The following CSMD1 variants were observed in gnomAD, a reference collection of about 807,000 sequenced individuals.
The protein encoded by CSMD1 is CUB and Sushi multiple domains 1, also known as CUB and sushi domain-containing protein 1.
CSMD1 carries 213 observed loss-of-function variants against 417.5 expected under a neutral mutation model. That is an observed-to-expected ratio of 0.51 (90% CI 0.46 to 0.57). The LOEUF is 0.57. CSMD1 is among the 20% of genes least tolerant of loss of function. The pLI, the probability that CSMD1 is intolerant of heterozygous loss-of-function variation, is 0.00. For synonymous variants in CSMD1, 2,862 were observed against 1,736.8 expected (o/e 1.65, Z -16.11); for missense variants, 6,923 against 4,529.7 (o/e 1.53, Z -15.17).
intron 3 of CSMD1, among the ~76,000 whole-genome samples, chr8:4,412,079 C>G (rs930885689): frequency 1.3e-5 from 2 of 151,690 alleles, no homozygotes; most frequent in Non-Finnish European, 2.9e-5. Context: ...AGATATTTCT[C>G]AACGTGCAAG....
intron 5 of CSMD1, among the ~76,000 whole-genome samples, chr8:3,896,617 T>C (rs1807384972): frequency 6.6e-6 from 1 of 152,040 alleles, no homozygotes; most frequent in Non-Finnish European, 1.5e-5. Flanking sequence ...GTTCACGCCA[T>C]TCTCCTGCCT....
chr8:2,959,581 C>A (rs183508149), intron 62 of CSMD1, among the ~76,000 whole-genome samples: 1 of 151,914 alleles, frequency 6.6e-6, no homozygotes, highest in Non-Finnish European at 1.5e-5. Context: ...CAGAATATAC[C>A]GAGCCACTGC....
intron 3 of CSMD1, among the ~76,000 whole-genome samples, chr8:4,093,094 A>T (rs1007900474): frequency 4.6e-5 from 7 of 152,192 alleles, no homozygotes; most frequent in African/African-American, 1.7e-4. Context: ...CCACATAATT[A>T]ACTCAAAGGC....
rs182210962 is a variant in CSMD1, at chr8:4,479,864, G to A, written c.303-59799C>T. On this transcript the variant is annotated intron_variant, in intron 2 of 69. Transcript: ENST00000635120. ...TCCTTTAGTTCCAGCTACTCGGGAGGCTGAGGCAGGAGAATTGCTTGAACC... is the reference window on the plus strand; with the variant it reads ...TCCTTTAGTTCCAGCTACTCGGGAGACTGAGGCAGGAGAATTGCTTGAACC... Among the ~76,000 whole-genome samples, 267 of 151,936 alleles carry A rather than the reference G, an allele frequency of 1.8e-3. 1 individual carries two copies. Among genetic ancestry groups the A allele is most frequent in the African/African-American group, 6.3e-3 (260 of 41,452 alleles).
chr8:3,673,901 T>G (rs1208003129), intron 7 of CSMD1, among the ~76,000 whole-genome samples: 3 of 152,046 alleles, frequency 2.0e-5, no homozygotes, highest in African/African-American at 7.2e-5. Context: ...GCAGAATGCT[T>G]GAGCTCAGCA....
chr8:3,444,841 C>T (rs1045575131), intron 12 of CSMD1, among the ~76,000 whole-genome samples: 1 of 152,258 alleles, frequency 6.6e-6, no homozygotes, highest in African/African-American at 2.4e-5. Flanking sequence ...CAAGTAAATA[C>T]AAAAAGAAGC....
intron 41 of CSMD1, chr8:3,129,021 A>C (rs182572302): frequency 2.9e-6 from 1 of 341,096 alleles, no homozygotes; most frequent in Non-Finnish European, 5.7e-6. Flanking sequence ...TTGCTTAGCC[A>C]ACCAGATGCT....
intron 1 of CSMD1, among the ~76,000 whole-genome samples, chr8:4,840,936 T>C (rs1293136016): frequency 1.3e-5 from 2 of 152,236 alleles, no homozygotes; most frequent in Non-Finnish European, 2.9e-5. Flanking sequence ...CAAATATCCC[T>C]AATCTATACT....
At chr8:3,336,355 T>A (rs528369127) in intron 23 of CSMD1, among the ~76,000 whole-genome samples, 1 of 152,322 alleles carries the variant, frequency 6.6e-6, no homozygotes, top group South Asian at 2.1e-4. Context: ...AAGAGACATG[T>A]GTCACCTTCT....
chr8:3,936,192 A>T (rs1287665839), intron 5 of CSMD1, among the ~76,000 whole-genome samples: 1 of 152,044 alleles, frequency 6.6e-6, no homozygotes, highest in Admixed American at 6.6e-5. Context: ...AAGAAAAAAA[A>T]AAAAAAGCCA....
At chr8:4,658,342 A>C (rs1020228386) in intron 1 of CSMD1, among the ~76,000 whole-genome samples, 7 of 152,130 alleles carry the variant, frequency 4.6e-5, no homozygotes, top group Non-Finnish European at 7.4e-5. Context: ...TTGAATTTTA[A>C]AGATGGCAAG....
chr8:4,720,458 C>T (rs1219093546), intron 1 of CSMD1, among the ~76,000 whole-genome samples: 2 of 152,096 alleles, frequency 1.3e-5, no homozygotes, highest in Admixed American at 1.3e-4. Flanking sequence ...TGCTCTGTCA[C>T]TCATGCTGGA....
chr8:4,867,631 G>A (rs548614962), intron 1 of CSMD1, among the ~76,000 whole-genome samples: 1 of 152,042 alleles, frequency 6.6e-6, no homozygotes, highest in South Asian at 2.1e-4. Flanking sequence ...ACTTTATTAT[G>A]TCGCAATGCC....
chr8:4,408,630 A>T (rs988802084), intron 3 of CSMD1, among the ~76,000 whole-genome samples: 2 of 152,342 alleles, frequency 1.3e-5, no homozygotes, highest in African/African-American at 4.8e-5. Context: ...AATGTACTCT[A>T]TATGACACCA....
chr8:4,019,518 G>C (rs953387961), intron 4 of CSMD1, among the ~76,000 whole-genome samples: 2 of 152,196 alleles, frequency 1.3e-5, no homozygotes, highest in Admixed American at 6.5e-5. Context: ...AAGTTTGGTG[G>C]TTACCCAAGA....
intron 9 of CSMD1, among the ~76,000 whole-genome samples, chr8:3,576,993 G>A (rs1036720195): frequency 2.6e-5 from 4 of 152,120 alleles, no homozygotes; most frequent in South Asian, 2.1e-4. Flanking sequence ...AACCATATTG[G>A]CATTGTCGGC....
rs539491568 is a variant in CSMD1 at position 4,471,900 on chromosome 8, G to C, written c.303-51835C>G. Among the ~76,000 whole-genome samples, 577 of 152,208 alleles carry C rather than the reference G, an allele frequency of 3.8e-3. 8 individuals carry two copies. Among genetic ancestry groups the C allele is most frequent in the South Asian group, 8.1e-3 (39 of 4,820 alleles). ...GTGTTTCCAGTGGGTAGGCTACAAA[G>C]GTGTTTCCAATGATTAGGAAATAAC... is the stretch of plus-strand genomic sequence containing the variant. On this transcript the variant is annotated intron_variant, in intron 2 of 69. Coordinates refer to ENST00000635120, the MANE Select transcript of CSMD1 (RefSeq NM_033225.6).
chr8:4,459,128 C>T (rs780282590), intron 2 of CSMD1, among the ~76,000 whole-genome samples: 4 of 152,192 alleles, frequency 2.6e-5, no homozygotes, highest in Non-Finnish European at 5.9e-5. Context: ...GTCAGGCCAC[C>T]ATCCTTTCTC....
chr8:3,531,770 C>A (rs891192102), intron 10 of CSMD1, among the ~76,000 whole-genome samples: 2 of 152,202 alleles, frequency 1.3e-5, no homozygotes, highest in African/African-American at 2.4e-5. Flanking sequence ...CCTGGAAGAT[C>A]GGGCTGCAAA....
Sources: gnomAD v4.1 joint callset for allele counts (sites outside exome capture counted in the v4.1 genomes callset) on GRCh38, gnomAD v4.1.1 for gene constraint, MANE v1.5 for transcripts, NCBI Gene and HGNC (gene_info 2026-07-23, HGNC 2026-07-21) for gene names.